Variants in WDR27 observed in about 807,000 individuals in gnomAD.
The protein encoded by WDR27 is WD repeat-containing protein 27.
A neutral mutation model predicts 114.4 loss-of-function variants in WDR27; 100 were observed. The ratio of observed to expected loss-of-function variants is 0.87; its 90% CI spans 0.74 to 1.03. The LOEUF (loss-of-function observed/expected upper bound fraction) is 1.03. Ranked by LOEUF, WDR27 falls within the 50% of genes least tolerant of loss-of-function variation. WDR27 has a pLI of 0.00. For synonymous variants in WDR27, 449 were observed against 423.1 expected (o/e 1.06, Z -0.75); for missense variants, 1,129 against 1,092.9 (o/e 1.03, Z -0.47).
At chr6:169,531,685 A>G (rs1271849623) in intron 25 of WDR27, among the ~76,000 whole-genome samples, 1 of 143,892 alleles carries the variant, frequency 6.9e-6, no homozygotes, top group Non-Finnish European at 1.5e-5. Context: ...ATGGAGTGTC[A>G]CTTTTTTGCC....
At chr6:169,618,365 T>C (rs1337244989) in intron 21 of WDR27, among the ~76,000 whole-genome samples, 2 of 152,062 alleles carry the variant, frequency 1.3e-5, no homozygotes, top group Admixed American at 6.6e-5. Context: ...TTTAAAAATA[T>C]ATAAAGTATC....
intron 25 of WDR27, among the ~76,000 whole-genome samples, chr6:169,564,932 C>T (rs1204184568): frequency 6.6e-6 from 1 of 152,238 alleles, no homozygotes; most frequent in Non-Finnish European, 1.5e-5. Context: ...ACCACAGGTG[C>T]AGAACGGGTC....
chr6:169,472,978 C>T (rs1354062164), intron 25 of WDR27, among the ~76,000 whole-genome samples: 1 of 152,178 alleles, frequency 6.6e-6, no homozygotes, highest in Non-Finnish European at 1.5e-5. Flanking sequence ...AACACTGCTA[C>T]AAATTTTATA....
At chr6:169,611,092 T>C (rs1000455066) in intron 22 of WDR27, among the ~76,000 whole-genome samples, 3 of 152,044 alleles carry the variant, frequency 2.0e-5, no homozygotes, top group Non-Finnish European at 4.4e-5. Flanking sequence ...TGCACCTGTA[T>C]AGGGTCCTTG....
At chr6:169,437,170 C>T in the WDR27 span, among the ~76,000 whole-genome samples, 1 of 152,076 alleles carries the variant, frequency 6.6e-6, no homozygotes, top group Non-Finnish European at 1.5e-5. Context: ...ACTGGCAGGT[C>T]TAAGCAAATC....
At chr6:169,678,804 C>T (rs141524736) in intron 2 of WDR27, among the ~76,000 whole-genome samples, 652 of 152,312 alleles carry the variant, frequency 4.3e-3, no homozygotes, top group African/African-American at 0.015. Context: ...TTGAAATTGT[C>T]CTGCAAAGTC....
intron 25 of WDR27, among the ~76,000 whole-genome samples, chr6:169,553,664 G>A (rs1798496498): frequency 6.6e-6 from 1 of 152,184 alleles, no homozygotes; most frequent in African/African-American, 2.4e-5. Context: ...GGCCTGCTTT[G>A]AAGGCTAAAT....
intron 25 of WDR27, among the ~76,000 whole-genome samples, chr6:169,506,832 G>C (rs1792054107): frequency 1.3e-5 from 2 of 152,174 alleles, no homozygotes; most frequent in Admixed American, 1.3e-4. Flanking sequence ...TTGGTTGTTG[G>C]ACAACTTCCA....
At chr6:169,456,799 C>T (rs891728877), downstream of WDR27, among the ~76,000 whole-genome samples, 1 of 151,364 alleles carries the variant, frequency 6.6e-6, no homozygotes, top group Non-Finnish European at 1.5e-5. This position sits in a 1 kb window ranked among gnomAD's most constrained non-coding sequence, Gnocchi z 4.0. Flanking sequence ...CACACAGAAC[C>T]CATGTGCAGA....
At chr6:169,487,008 G>T (rs1179961956) in intron 25 of WDR27, among the ~76,000 whole-genome samples, 2 of 152,106 alleles carry the variant, frequency 1.3e-5, no homozygotes, top group East Asian at 3.9e-4. Flanking sequence ...GGTACTGGAG[G>T]GCAGCACAGC....
chr6:169,659,306 T>C lies in WDR27; in HGVS notation c.1198-99A>G. 4.5e-6 allele frequency: 7 copies of C among 1,553,702 alleles called. No homozygotes were observed. Among genetic ancestry groups the C allele is most frequent in the Non-Finnish European group, 4.4e-6 (5 of 1,144,008 alleles). ...TATCCTAACAGCTGCTTCATTCTCA[T>C]AGCAGCGACATCGCCCTGTCACTCC... On this transcript the variant is annotated intron_variant, in intron 11 of 25. Coordinates refer to ENST00000448612, the MANE Select transcript of WDR27 (RefSeq NM_182552.5). The surrounding 1 kb of genome is among the most constrained non-coding windows in gnomAD (Gnocchi z 4.3).
intron 1 of WDR27, among the ~76,000 whole-genome samples, chr6:169,690,108 G>C (rs550687284): frequency 1.4e-5 from 2 of 145,600 alleles, no homozygotes; most frequent in South Asian, 2.2e-4. Flanking sequence ...TATGGATTCA[G>C]AGGATCCAAC....
chr6:169,598,313 A>G (rs1807246095), intron 23 of WDR27, among the ~76,000 whole-genome samples: 2 of 152,204 alleles, frequency 1.3e-5, no homozygotes, highest in African/African-American at 4.8e-5. Flanking sequence ...GGAAATGTAT[A>G]TTCTTACAGT....
intron 25 of WDR27, among the ~76,000 whole-genome samples, chr6:169,465,493 C>A (rs1785462881): frequency 6.6e-6 from 1 of 151,774 alleles, no homozygotes; most frequent in South Asian, 2.1e-4. Flanking sequence ...GAATTTTTTT[C>A]AAAAAATTAA....
rs377388129 is a variant in WDR27, at chr6:169,488,073, TC to T, written c.2646-30440del. 1.3e-4 allele frequency among the ~76,000 whole-genome samples: 20 copies of T among 152,302 alleles called. No individual in the cohort carries two copies. The South Asian group carries it at 2.5e-3, about 19-fold the overall frequency. ...TGATGGACAATGGGGAAGTGCACTT[TC>T]CATAATTCCTTAGAGATTTCCCCAT... On this transcript the variant is annotated intron_variant, in intron 25 of 25. Coordinates refer to ENST00000448612, the MANE Select transcript of WDR27 (RefSeq NM_182552.5).
intron 25 of WDR27, among the ~76,000 whole-genome samples, chr6:169,464,315 A>G (rs2115289775): frequency 6.6e-6 from 1 of 152,338 alleles, no homozygotes; most frequent in South Asian, 2.1e-4. Context: ...TGGTGCTTGG[A>G]AAAATAGACA....
At chr6:169,438,120 A>G in the WDR27 span, among the ~76,000 whole-genome samples, 1 of 151,616 alleles carries the variant, frequency 6.6e-6, no homozygotes, top group Non-Finnish European at 1.5e-5. Flanking sequence ...TCATTTTTAT[A>G]TCTATGTGTA....
chr6:169,605,593 A>AT (rs1554307427), intron 22 of WDR27, among the ~76,000 whole-genome samples: 4 of 20,760 alleles, frequency 1.9e-4, no homozygotes, highest in Non-Finnish European at 5.2e-4. Flanking sequence ...CATTTTTTAC[A>AT]TTAAAAAAAA....
chr6:169,428,870 C>G, the WDR27 span, among the ~76,000 whole-genome samples: 2 of 152,210 alleles, frequency 1.3e-5, no homozygotes, highest in African/African-American at 4.8e-5. Flanking sequence ...CTTCGTCCCA[C>G]TTCTCAAGGC....
Sources: allele counts gnomAD v4.1 joint callset (sites outside exome capture counted in the v4.1 genomes callset), GRCh38; gene constraint gnomAD v4.1.1; non-coding constraint Gnocchi (gnomAD v3.1); transcripts MANE v1.5; gene names NCBI Gene and HGNC (gene_info 2026-07-23, HGNC 2026-07-21).